Variants in FER observed in about 807,000 individuals in gnomAD.
FER encodes the protein tyrosine-protein kinase Fer.
A neutral mutation model predicts 111.0 loss-of-function variants in FER; 63 were observed. The observed-to-expected ratio is 0.57, with a 90% CI of 0.46 to 0.70. The LOEUF (loss-of-function observed/expected upper bound fraction) is 0.70. Among genes scored for constraint, FER ranks in the 30% least tolerant of loss-of-function variants. The pLI is 0.00. For missense variants in FER, 914 were observed against 954.0 expected (o/e 0.96, Z 0.55); for synonymous variants, 327 against 313.9 (o/e 1.04, Z -0.44).
chr5:109,120,643 C>T (rs1050718677), intron 17 of FER, among the ~76,000 whole-genome samples: 1 of 151,828 alleles, frequency 6.6e-6, no homozygotes, highest in Non-Finnish European at 1.5e-5. Context: ...TGAAGAATGC[C>T]GTTGGTATTT....
intron 17 of FER, among the ~76,000 whole-genome samples, chr5:109,115,297 T>C (rs547440639): frequency 1.4e-4 from 21 of 152,160 alleles, no homozygotes; most frequent in Non-Finnish European, 2.5e-4. Flanking sequence ...AAAGACTATT[T>C]AGGAAGTAGA....
At chr5:108,877,825 C>T (rs574148021) in intron 8 of FER, among the ~76,000 whole-genome samples, 8 of 151,966 alleles carry the variant, frequency 5.3e-5, no homozygotes, top group South Asian at 2.1e-4. Flanking sequence ...AGATTTAGAT[C>T]GTGACATCCA....
intron 17 of FER, among the ~76,000 whole-genome samples, chr5:109,178,738 G>A (rs1757975091): frequency 6.6e-6 from 1 of 152,168 alleles, no homozygotes; most frequent in African/African-American, 2.4e-5. Flanking sequence ...AATCAGGTTA[G>A]GTAAGTCCTA....
At chr5:108,826,248 A>C (rs569547212) in intron 3 of FER, among the ~76,000 whole-genome samples, 1 of 152,332 alleles carries the variant, frequency 6.6e-6, no homozygotes, top group African/African-American at 2.4e-5. Flanking sequence ...TGATTCGTGT[A>C]TGTTGAACCA....
chr5:109,080,772 C>T (rs1776896146), intron 16 of FER, among the ~76,000 whole-genome samples: 1 of 152,004 alleles, frequency 6.6e-6, no homozygotes, highest in Admixed American at 6.6e-5. Context: ...AAACATTATT[C>T]TCAGATTGCT....
chr5:109,098,084 C>T (rs1747754551), intron 16 of FER, among the ~76,000 whole-genome samples: 1 of 151,494 alleles, frequency 6.6e-6, no homozygotes, highest in Non-Finnish European at 1.5e-5. Flanking sequence ...AATCAGAAAC[C>T]CCTTGTGTAT....
intron 16 of FER, among the ~76,000 whole-genome samples, chr5:109,069,941 C>T (rs1419865006): frequency 6.6e-6 from 1 of 152,072 alleles, no homozygotes; most frequent in African/African-American, 2.4e-5. Flanking sequence ...TTTATATAAT[C>T]TGCAGCCACA....
chr5:108,764,744 G>A (rs1455606488), intron 1 of FER, among the ~76,000 whole-genome samples: 2 of 152,120 alleles, frequency 1.3e-5, no homozygotes, highest in Non-Finnish European at 2.9e-5. Flanking sequence ...TAAATTCTTT[G>A]TTTAAAATAA....
At chr5:108,819,797 T>C in intron 3 of FER, 1 of 985,186 alleles carries the variant, frequency 1.0e-6, no homozygotes, top group Non-Finnish European at 1.2e-6. Flanking sequence ...GTCTTGAGTA[T>C]ATAGATTAGT....
At chr5:109,010,721 C>T (rs1315879393) in intron 13 of FER, among the ~76,000 whole-genome samples, 3 of 152,126 alleles carry the variant, frequency 2.0e-5, no homozygotes, top group Non-Finnish European at 4.4e-5. Flanking sequence ...TTTCTTACCT[C>T]CCATATTCAG....
intron 13 of FER, among the ~76,000 whole-genome samples, chr5:108,987,323 G>A (rs1340778517): frequency 1.3e-5 from 2 of 152,106 alleles, no homozygotes. Context: ...GTGGGCACCT[G>A]TAATCCCAGC....
At chr5:109,115,371 C>G (rs1750103069) in intron 17 of FER, among the ~76,000 whole-genome samples, 1 of 152,064 alleles carries the variant, frequency 6.6e-6, no homozygotes, top group African/African-American at 2.4e-5. Flanking sequence ...TTTCTCAGAT[C>G]CAAATTGAAA....
At chr5:109,054,276 T>C (rs1773336042) in intron 16 of FER, among the ~76,000 whole-genome samples, 1 of 152,228 alleles carries the variant, frequency 6.6e-6, no homozygotes, top group Non-Finnish European at 1.5e-5. Flanking sequence ...TTTCAGTTCC[T>C]CCCCATCGTC....
chr5:109,047,265 C>T (rs1205302875), intron 16 of FER, 67 bp downstream of exon 16: 18 of 912,750 alleles, frequency 2.0e-5, no homozygotes, highest in East Asian at 1.0e-4. Flanking sequence ...TTTATATGTT[C>T]GATCTCTTTG....
intron 18 of FER, among the ~76,000 whole-genome samples, chr5:109,185,684 A>T (rs1374553981): frequency 6.6e-6 from 1 of 152,200 alleles, no homozygotes; most frequent in African/African-American, 2.4e-5. Context: ...AGCAGCCTGA[A>T]GAATATTTAT....
Position 109,180,848 on chromosome 5 carries a change from C to G in FER, c.2150C>G (p.Ser717Cys), listed in dbSNP as rs1464781437. Residue 717 changes from serine to cysteine, a missense_variant, in exon 18 of 20, where the codon TCT (serine) becomes TGT (cysteine). By Grantham distance (112) the Ser-to-Cys change is moderately radical. This residue lies in a region of FER where 134 missense variants were observed against 149.4 expected (regional missense o/e 0.90). Coordinates refer to ENST00000281092, the MANE Select transcript of FER (RefSeq NM_005246.4). ...GAGGATGGTGGAGTGTATTCATCTT[C>G]TGGCTTAAAGCAGATTCCCATTAAA... ...RQEDGGVYSS[S>C]GLKQIPIKWT... 4 of 1,613,564 alleles carry G rather than the reference C, an allele frequency of 2.5e-6. No homozygotes were observed. The South Asian group carries it at 4.4e-5, about 18-fold the overall frequency.
At chr5:109,094,298 G>C (rs946802343) in intron 16 of FER, among the ~76,000 whole-genome samples, 11 of 151,906 alleles carry the variant, frequency 7.2e-5, no homozygotes, top group Non-Finnish European at 1.6e-4. Context: ...TTCAGTGAAA[G>C]GAGCTCCAGC....
intron 17 of FER, among the ~76,000 whole-genome samples, chr5:109,167,721 G>C (rs1428004662): frequency 6.6e-6 from 1 of 152,160 alleles, no homozygotes; most frequent in Admixed American, 6.6e-5. Flanking sequence ...TTGCTTGATA[G>C]TAAAAATAGC....
intron 16 of FER, among the ~76,000 whole-genome samples, chr5:109,062,654 G>T (rs1220969544): frequency 6.6e-6 from 1 of 152,074 alleles, no homozygotes; most frequent in East Asian, 1.9e-4. Flanking sequence ...GTGATGAATA[G>T]GAGACTTAGC....
Sources: allele counts gnomAD v4.1 joint callset (sites outside exome capture counted in the v4.1 genomes callset), GRCh38; gene constraint gnomAD v4.1.1; regional missense constraint gnomAD v4.1.1; transcripts MANE v1.5; gene names NCBI Gene and HGNC (gene_info 2026-07-23, HGNC 2026-07-21).